TMEM217B: variants seen among roughly 807,000 people sequenced by gnomAD.
The protein encoded by TMEM217B is transmembrane protein 217B.
the TMEM217B span, among the ~76,000 whole-genome samples, chr6:37,213,325 T>C: frequency 3.9e-5 from 6 of 152,252 alleles, no homozygotes; most frequent in Non-Finnish European, 8.8e-5. Context: ...GGTTCCTGTA[T>C]TGAGGATAAC....
the TMEM217B span, among the ~76,000 whole-genome samples, chr6:37,239,928 G>A: frequency 2.0e-4 from 31 of 151,688 alleles, no homozygotes; most frequent in African/African-American, 6.1e-4. Context: ...TTGGCTGCAA[G>A]GAACAGAGAC....
At chr6:37,246,902 CA>C in the TMEM217B span, among the ~76,000 whole-genome samples, 118,446 of 142,042 alleles carry the variant, frequency 0.83, 49,136 homozygotes, top group Middle Eastern at 0.91. Flanking sequence ...GACTCTGTCT[CA>C]AAAAAAAAAA....
chr6:37,234,074 T>C, the TMEM217B span, among the ~76,000 whole-genome samples: 2 of 151,534 alleles, frequency 1.3e-5, no homozygotes, highest in African/African-American at 4.9e-5. Context: ...TAAGTTATGA[T>C]GTTTGGTAGG....
the TMEM217B span, chr6:37,217,582 CT>C: frequency 1.0e-6 from 1 of 962,874 alleles, no homozygotes; most frequent in Non-Finnish European, 1.2e-6. Flanking sequence ...AAGGAAGTGC[CT>C]TTCACACTCC....
the TMEM217B span, among the ~76,000 whole-genome samples, chr6:37,231,262 C>T: frequency 8.2e-6 from 1 of 122,116 alleles, no homozygotes. Flanking sequence ...TAGAAACGGG[C>T]TTTCACCACG....
the TMEM217B span, chr6:37,257,699 G>A: frequency 3.7e-6 from 2 of 542,980 alleles, no homozygotes; most frequent in Non-Finnish European, 6.5e-6. Context: ...CAGGATTCCG[G>A]CTCCCAATTG....
At chr6:37,218,325 C>T in the TMEM217B span, 11 of 1,184,022 alleles carry the variant, frequency 9.3e-6, no homozygotes, top group African/African-American at 4.6e-5. Context: ...TGTGCCGCCA[C>T]GCCTGGCTAA....
the TMEM217B span, among the ~76,000 whole-genome samples, chr6:37,233,347 C>T: frequency 6.6e-6 from 1 of 152,164 alleles, no homozygotes; most frequent in African/African-American, 2.4e-5. Context: ...TGCAATATGT[C>T]ACAACACCAC....
At chr6:37,237,373 C>A in the TMEM217B span, among the ~76,000 whole-genome samples, 2 of 152,154 alleles carry the variant, frequency 1.3e-5, no homozygotes, top group Admixed American at 6.5e-5. Flanking sequence ...CTGTGTGCAC[C>A]AAGACCCCAT....
the TMEM217B span, among the ~76,000 whole-genome samples, chr6:37,257,281 G>A: frequency 1.3e-5 from 2 of 152,152 alleles, no homozygotes; most frequent in Non-Finnish European, 2.9e-5. Flanking sequence ...CTCACGTGTT[G>A]AACAGTTAGC....
At chr6:37,254,078 C>G in the TMEM217B span, among the ~76,000 whole-genome samples, 3 of 152,150 alleles carry the variant, frequency 2.0e-5, no homozygotes, top group Non-Finnish European at 4.4e-5. Context: ...CAATCACAGG[C>G]CATACTGTAT....
At chr6:37,220,077 T>A in the TMEM217B span, among the ~76,000 whole-genome samples, 3 of 151,998 alleles carry the variant, frequency 2.0e-5, no homozygotes, top group Non-Finnish European at 4.4e-5. Flanking sequence ...AAATAAGAAC[T>A]ATACAAAAGT....
chr6:37,238,363 A>T, the TMEM217B span, among the ~76,000 whole-genome samples: 1 of 152,216 alleles, frequency 6.6e-6, no homozygotes, highest in Non-Finnish European at 1.5e-5. Flanking sequence ...TGCATATAAA[A>T]CTACTATTTA....
the TMEM217B span, chr6:37,218,434 C>T: frequency 1.2e-5 from 19 of 1,606,016 alleles, no homozygotes; most frequent in East Asian, 4.0e-4. Context: ...ACCTCTGCCT[C>T]TCAAAGTACT....
the TMEM217B span, among the ~76,000 whole-genome samples, chr6:37,234,521 A>T: frequency 6.6e-6 from 1 of 152,152 alleles, no homozygotes; most frequent in Non-Finnish European, 1.5e-5. Context: ...GCCACTAGTG[A>T]TGATACAGTT....
the TMEM217B span, among the ~76,000 whole-genome samples, chr6:37,252,630 TA>T: frequency 1.2e-4 from 9 of 72,982 alleles, no homozygotes; most frequent in East Asian, 1.0e-3. Flanking sequence ...TATATATATA[TA>T]TATATATTTT....
At chr6:37,252,500 A>G in the TMEM217B span, among the ~76,000 whole-genome samples, 1 of 142,390 alleles carries the variant, frequency 7.0e-6, no homozygotes, top group Non-Finnish European at 1.5e-5. Context: ...ACATGTATGC[A>G]TATATATATG....
the TMEM217B span, among the ~76,000 whole-genome samples, chr6:37,226,411 G>GC: frequency 6.8e-6 from 1 of 147,850 alleles, no homozygotes; most frequent in East Asian, 2.0e-4. Flanking sequence ...TCCTGCCTCA[G>GC]CCTCCCAAGT....
chr6:37,239,309 C>CA, the TMEM217B span, among the ~76,000 whole-genome samples: 2 of 151,348 alleles, frequency 1.3e-5, no homozygotes, highest in African/African-American at 4.9e-5. Flanking sequence ...GGCAAGATGG[C>CA]AAAAACCCAT....
Sources: gnomAD v4.1 joint callset for allele counts (sites outside exome capture counted in the v4.1 genomes callset) on GRCh38, gnomAD v4.1.1 for gene constraint, MANE v1.5 for transcripts, NCBI Gene and HGNC (gene_info 2026-07-23, HGNC 2026-07-21) for gene names.